The following CFDP1 variants were observed in gnomAD, a reference collection of about 807,000 sequenced individuals.
CFDP1 encodes heterochromatin-stabilizing protein CFDP1.
In CFDP1, 31 loss-of-function variants were observed where a neutral mutation model predicts 40.1. That is an observed-to-expected ratio of 0.77 (90% confidence interval 0.58 to 1.04). CFDP1 has a LOEUF of 1.04. Among genes scored for constraint, CFDP1 ranks in the 50% least tolerant of loss-of-function variants. The pLI, the probability that CFDP1 is intolerant of heterozygous loss-of-function variation, is 0.00. For missense variants in CFDP1, 423 were observed against 343.4 expected, an observed-to-expected ratio of 1.23 and a Z score of -1.83; for synonymous variants, 167 against 120.0, an observed-to-expected ratio of 1.39 and a Z score of -2.56.
intron 5 of CFDP1, chr16:75,324,893 T>C (rs956603610): frequency 6.6e-6 from 1 of 152,150 alleles, no homozygotes; most frequent in Non-Finnish European, 1.5e-5. Context: ...ACTTTTGATT[T>C]TGAGAAATTT....
intron 1 of CFDP1, among the ~76,000 whole-genome samples, chr16:75,423,100 G>A (rs2079298202): frequency 6.6e-6 from 1 of 151,904 alleles, no homozygotes; most frequent in South Asian, 2.1e-4. Flanking sequence ...CTAACACGGT[G>A]AAACCCCATC....
chr16:75,333,225 G>C (rs1209967856), intron 5 of CFDP1, among the ~76,000 whole-genome samples: 2 of 150,366 alleles, frequency 1.3e-5, no homozygotes, highest in South Asian at 2.1e-4. Context: ...CCAGGTTCAC[G>C]CCATTCTCCT....
chr16:75,304,815 C>T (rs1375995177), intron 6 of CFDP1, among the ~76,000 whole-genome samples: 1 of 152,192 alleles, frequency 6.6e-6, no homozygotes, highest in Non-Finnish European at 1.5e-5. Context: ...CCTCACATGC[C>T]CCGCCTTCCC....
intron 5 of CFDP1, among the ~76,000 whole-genome samples, chr16:75,356,844 C>T (rs188248347): frequency 6.6e-6 from 1 of 151,960 alleles, no homozygotes; most frequent in East Asian, 1.9e-4. Flanking sequence ...TAACTTACTG[C>T]AGCTTCCGCA....
chr16:75,355,082 CAA>C (rs2078637241), intron 5 of CFDP1, among the ~76,000 whole-genome samples: 1 of 152,198 alleles, frequency 6.6e-6, no homozygotes, highest in Admixed American at 6.5e-5. Context: ...CTAAGAAAAA[CAA>C]TGTACAGATC....
intron 1 of CFDP1, among the ~76,000 whole-genome samples, chr16:75,417,790 C>G (rs1385092965): frequency 6.6e-6 from 1 of 151,766 alleles, no homozygotes; most frequent in Admixed American, 6.6e-5. Context: ...TCTGACTATA[C>G]ATCTTCATCA....
rs11333509 is a variant in CFDP1 at position 75,330,962 on chromosome 16, TAA to T, written c.651-25782_651-25781del. 3.0e-3 allele frequency among the ~76,000 whole-genome samples: 382 copies of T among 127,632 alleles called. 1 individual carries two copies. Among genetic ancestry groups the T allele is most frequent in the Middle Eastern group, 8.2e-3 (2 of 244 alleles). 83.7% of individuals were successfully genotyped at this position (127,632 alleles called of 152,430 possible). A position where few individuals can be genotyped will look rare whatever the true frequency, so the allele number is the denominator to read the frequency against. ...ATAAAATGAAGCAAATTCCAATTATTAAAAAAAAAAAAAAAAAAAAAAACACA... is the reference window on the plus strand; with the variant it reads ...ATAAAATGAAGCAAATTCCAATTATTAAAAAAAAAAAAAAAAAAAAACACA... On this transcript the variant is annotated intron_variant, in intron 5 of 6. Transcript: ENST00000283882.
intron 5 of CFDP1, among the ~76,000 whole-genome samples, chr16:75,322,743 C>T (rs1349225442): frequency 2.0e-5 from 3 of 150,760 alleles, no homozygotes; most frequent in Non-Finnish European, 4.4e-5. Context: ...TGCTCAACCA[C>T]TAAGTAGAAT....
In CFDP1 at chr16:75,313,447, A is replaced by C. The variant is rs1228465202; in HGVS notation, c.651-8265T>G. 2.0e-5 allele frequency among the ~76,000 whole-genome samples: 3 copies of C among 152,114 alleles called. No homozygotes were observed. In the East Asian group the frequency reaches 5.8e-4, roughly 29 times the overall value. ...TGGGTTCAAGTGATTCTCCTGCCTC[A>C]GCCTCCTGATAGCTGGGATTACAGG... On this transcript the variant is annotated intron_variant, in intron 5 of 6. Coordinates refer to ENST00000283882, the MANE Select transcript of CFDP1 (RefSeq NM_006324.3).
intron 5 of CFDP1, among the ~76,000 whole-genome samples, chr16:75,376,657 G>C (rs1013300089): frequency 2.0e-5 from 3 of 152,154 alleles, no homozygotes; most frequent in Non-Finnish European, 2.9e-5. Flanking sequence ...ACCTTATCTT[G>C]GATAGTGGCT....
At chr16:75,383,882 A>G (rs1215803845) in intron 5 of CFDP1, among the ~76,000 whole-genome samples, 2 of 151,858 alleles carry the variant, frequency 1.3e-5, no homozygotes, top group Non-Finnish European at 2.9e-5. Flanking sequence ...AGTGTTTATA[A>G]AATCTAGATT....
At chr16:75,342,319 C>T (rs143607933) in intron 5 of CFDP1, among the ~76,000 whole-genome samples, 16 of 152,328 alleles carry the variant, frequency 1.1e-4, no homozygotes, top group Non-Finnish European at 2.2e-4. Flanking sequence ...CTTGTTGGCA[C>T]TCCTGTCTGC....
At chr16:75,349,189 T>C (rs1029051943) in intron 5 of CFDP1, among the ~76,000 whole-genome samples, 2 of 152,080 alleles carry the variant, frequency 1.3e-5, no homozygotes, top group Admixed American at 1.3e-4. Context: ...AATTTCATTT[T>C]TGGATGGTTC....
At chr16:75,426,859 A>G (rs2151603274) in intron 1 of CFDP1, among the ~76,000 whole-genome samples, 1 of 152,222 alleles carries the variant, frequency 6.6e-6, no homozygotes, top group Non-Finnish European at 1.5e-5. Context: ...GTTGGAGACC[A>G]GCCTGGCAAA....
intron 4 of CFDP1, among the ~76,000 whole-genome samples, chr16:75,402,975 A>G (rs986938789): frequency 6.6e-6 from 1 of 152,190 alleles, no homozygotes; most frequent in East Asian, 1.9e-4. Flanking sequence ...TTTGAAATAT[A>G]AAATGTATGT....
intron 4 of CFDP1, among the ~76,000 whole-genome samples, chr16:75,401,233 G>C (rs1287103097): frequency 6.6e-6 from 1 of 152,028 alleles, no homozygotes; most frequent in Non-Finnish European, 1.5e-5. Context: ...TCAAGACCAT[G>C]CTGGCTAATA....
chr16:75,332,592 G>T (rs1041633199), intron 5 of CFDP1, among the ~76,000 whole-genome samples: 1 of 151,840 alleles, frequency 6.6e-6, no homozygotes, highest in Non-Finnish European at 1.5e-5. Flanking sequence ...CTTTAAGCCC[G>T]AGAGGTTGAG....
At chr16:75,302,811 A>G (rs1478674182) in intron 6 of CFDP1, among the ~76,000 whole-genome samples, 2 of 151,934 alleles carry the variant, frequency 1.3e-5, no homozygotes, top group Non-Finnish European at 2.9e-5. Context: ...TCCCCTGATC[A>G]CTCTGGCCCC....
chr16:75,404,695 T>C (rs1190432928), intron 4 of CFDP1, among the ~76,000 whole-genome samples: 1 of 150,904 alleles, frequency 6.6e-6, no homozygotes. Flanking sequence ...ACAAATGGCC[T>C]GGACTCTTAA....
Sources: gnomAD v4.1 joint callset for allele counts (sites outside exome capture counted in the v4.1 genomes callset) on GRCh38, gnomAD v4.1.1 for gene constraint, MANE v1.5 for transcripts, NCBI Gene and HGNC (gene_info 2026-07-23, HGNC 2026-07-21) for gene names.